The following UBP1 variants were observed in gnomAD, a reference collection of about 807,000 sequenced individuals.
UBP1 encodes upstream binding protein 1.
A neutral mutation model predicts 76.1 loss-of-function variants in UBP1; 22 were observed. The ratio of observed to expected loss-of-function variants is 0.29; its 90% CI spans 0.21 to 0.41. UBP1 has a LOEUF of 0.41. UBP1 is among the 10% of genes least tolerant of loss of function. The pLI is 1.00. For synonymous variants in UBP1, 224 were observed against 237.1 expected (o/e 0.94, Z 0.51); for missense variants, 436 against 668.1 (o/e 0.65, Z 3.83).
intron 3 of UBP1, among the ~76,000 whole-genome samples, chr3:33,413,355 G>A (rs949532618): frequency 6.6e-6 from 1 of 151,556 alleles, no homozygotes; most frequent in African/African-American, 2.4e-5. Flanking sequence ...GGACCATCCT[G>A]GCTAACACGG....
chr3:33,390,552 A>G (rs1255884107), intron 15 of UBP1, 184 bp from the exon 16 acceptor site: 2 of 642,818 alleles, frequency 3.1e-6, no homozygotes, highest in African/African-American at 1.8e-5. Context: ...TCATGTACAC[A>G]TTCCCTTTTT....
chr3:33,390,437 T>C (rs2043714011), intron 15 of UBP1, 69 bp from the exon 16 acceptor site: 1 of 1,557,040 alleles, frequency 6.4e-7, no homozygotes, highest in African/African-American at 1.4e-5. Flanking sequence ...AATGGAAAAC[T>C]CCCTGCCAAC....
At chr3:33,410,735 A>T (rs1383847947) in intron 5 of UBP1, among the ~76,000 whole-genome samples, 1 of 152,196 alleles carries the variant, frequency 6.6e-6, no homozygotes, top group East Asian at 1.9e-4. Context: ...TCTTAGAGAC[A>T]TGATATTTAT....
At chr3:33,422,942 T>C (rs1480399256) in intron 2 of UBP1, among the ~76,000 whole-genome samples, 2 of 152,178 alleles carry the variant, frequency 1.3e-5, no homozygotes, top group Admixed American at 1.3e-4. Flanking sequence ...CAACACACTA[T>C]ATTATATATG....
intron 5 of UBP1, among the ~76,000 whole-genome samples, chr3:33,411,004 C>T (rs2044566838): frequency 6.8e-6 from 1 of 147,966 alleles, no homozygotes; most frequent in Admixed American, 6.9e-5. Context: ...ATCTGGGAGG[C>T]GGAGATTGCA....
chr3:33,413,608 C>T (rs931370069), intron 3 of UBP1, among the ~76,000 whole-genome samples: 2 of 150,942 alleles, frequency 1.3e-5, no homozygotes, highest in Non-Finnish European at 3.0e-5. Context: ...AACAAAAATC[C>T]GAAACACTGC....
chr3:33,430,698 GA>G lies in UBP1; in HGVS notation c.114-4958del, dbSNP rs142549427. Among the ~76,000 whole-genome samples, 987 of 152,274 alleles carry G rather than the reference GA, an allele frequency of 6.5e-3. 11 individuals carry two copies. The highest frequency in any genetic ancestry group is 7.1e-3 in the Admixed American group (109 of 15,296). On this transcript the variant is annotated intron_variant, in intron 1 of 15. Coordinates refer to ENST00000283629, the MANE Select transcript of UBP1 (RefSeq NM_014517.5). ...CAAAGGCAAACACTGGCGGAAAATT[GA>G]AAGAGCGGGAAAGGGAAAAGCCAGA...
chr3:33,417,296 CCCCACCT>C (rs1222137321), intron 2 of UBP1, among the ~76,000 whole-genome samples: 3 of 151,956 alleles, frequency 2.0e-5, no homozygotes, highest in Non-Finnish European at 4.4e-5. Flanking sequence ...CTCCCCCACC[CCCCACCT>C]GGCCAACTGC....
chr3:33,426,035 A>ATATATATATC (rs2045010996), intron 1 of UBP1, among the ~76,000 whole-genome samples: 1 of 82,020 alleles, frequency 1.2e-5, no homozygotes, highest in Admixed American at 1.8e-4. Flanking sequence ...ATATATATAT[A>ATATATATATC]TATAGCACTT....
rs370711234 is a variant in UBP1, at chr3:33,402,870, A to C, written c.962T>G (p.Val321Gly). ...SPWPDAPTAY[V>G]NNSPSPAPTF... Reference sequence around the variant, plus strand: ...GGGCGCTGGGGAAGGGCTGTTATTCACATAGGCTGTGGGGGCATCGGGCCA... The same window carrying C: ...GGGCGCTGGGGAAGGGCTGTTATTCCCATAGGCTGTGGGGGCATCGGGCCA... Residue 321 changes from valine to glycine, a missense_variant, in exon 9 of 16, where the codon GTG (valine) becomes GGG (glycine). Physicochemically the swap from Val to Gly is moderately radical, Grantham distance 109 (BLOSUM62 -3). Around this residue, in one of 3 missense-constraint regions of UBP1, gnomAD observed 210 missense variants for 272.8 expected, o/e 0.77. Coordinates refer to ENST00000283629, the MANE Select transcript of UBP1 (RefSeq NM_014517.5). 9.3e-6 allele frequency: 15 copies of C among 1,610,998 alleles called. No individual in the cohort carries two copies. Among genetic ancestry groups the C allele is most frequent in the Non-Finnish European group, 1.3e-5 (15 of 1,178,854 alleles).
chr3:33,420,777 A>G (rs1477180165), intron 2 of UBP1, among the ~76,000 whole-genome samples: 2 of 152,022 alleles, frequency 1.3e-5, no homozygotes, highest in East Asian at 1.9e-4. Context: ...GTGAGCCACC[A>G]TGCCCAGCCT....
intron 1 of UBP1, among the ~76,000 whole-genome samples, chr3:33,426,338 C>A (rs767232003): frequency 6.6e-6 from 1 of 151,988 alleles, no homozygotes; most frequent in Non-Finnish European, 1.5e-5. Context: ...CTGCTATTCT[C>A]CCCCTAAGAA....
intron 4 of UBP1, 59 bp downstream of exon 4, chr3:33,412,663 T>C: frequency 9.0e-7 from 1 of 1,115,732 alleles, no homozygotes; most frequent in Non-Finnish European, 1.4e-6. Context: ...ACACAACACA[T>C]TACTGGCTAT....
intron 8 of UBP1, chr3:33,403,660 T>C (rs1190371157): frequency 2.6e-5 from 4 of 152,278 alleles, no homozygotes; most frequent in African/African-American, 9.6e-5. Context: ...TTTAATATTT[T>C]TCAGCTCCAG....
intron 11 of UBP1, chr3:33,398,489 TG>T (rs2044094947): frequency 6.6e-6 from 1 of 152,232 alleles, no homozygotes; most frequent in Non-Finnish European, 1.5e-5. Flanking sequence ...TACAGAGAAC[TG>T]GACAGATAAC....
At chr3:33,409,088 A>T in intron 7 of UBP1, 148 bp downstream of exon 7, 1 of 800,510 alleles carries the variant, frequency 1.2e-6, no homozygotes, top group Non-Finnish European at 2.0e-6. Context: ...CCCCAAATTT[A>T]AATATTTTCC....
At chr3:33,431,767 A>G (rs1264394240) in intron 1 of UBP1, among the ~76,000 whole-genome samples, 1 of 151,618 alleles carries the variant, frequency 6.6e-6, no homozygotes, top group Non-Finnish European at 1.5e-5. Context: ...ACGAAAAAAG[A>G]CAGCTCCATT....
Position 33,388,762 on chromosome 3 carries a change from C to T in UBP1, c.*1569G>A, listed in dbSNP as rs997572550. The T allele has an allele frequency of 1.3e-5, 2 of 152,156 alleles. No individual in the cohort carries two copies. Among genetic ancestry groups the T allele is most frequent in the African/African-American group, 2.4e-5 (1 of 41,428 alleles). 9.4% of individuals were successfully genotyped at this position (152,156 alleles called of 1,614,324 possible). A position where few individuals can be genotyped will look rare whatever the true frequency, so the allele number is the denominator to read the frequency against. ...GATCTATAGGAGTTACAGATATTTT[C>T]AAATCGATGATGAAAATAGATCGTG... On this transcript the variant is annotated 3_prime_UTR_variant, in exon 16 of 16. Transcript: ENST00000283629.
intron 3 of UBP1, among the ~76,000 whole-genome samples, chr3:33,416,471 A>G (rs2044732177): frequency 6.6e-6 from 1 of 152,162 alleles, no homozygotes; most frequent in Non-Finnish European, 1.5e-5. Flanking sequence ...TCCCCATATT[A>G]TCTTTTACTT....
Sources: gnomAD v4.1 joint callset for allele counts (sites outside exome capture counted in the v4.1 genomes callset) on GRCh38, gnomAD v4.1.1 for gene constraint, gnomAD v4.1.1 regional missense constraint, MANE v1.5 for transcripts, NCBI Gene and HGNC (gene_info 2026-07-23, HGNC 2026-07-21) for gene names.